The following WWP1 variants were observed in gnomAD, a reference collection of about 807,000 sequenced individuals.
WWP1 encodes NEDD4-like E3 ubiquitin-protein ligase WWP1.
Under a neutral mutation model 130.6 loss-of-function variants are expected in WWP1, and 49 were observed. The ratio of observed to expected loss-of-function variants is 0.38; its 90% CI spans 0.30 to 0.48. The LOEUF (loss-of-function observed/expected upper bound fraction) is 0.48, where lower values mean the gene tolerates loss of function less well. Ranked by LOEUF, WWP1 falls within the 20% of genes least tolerant of loss-of-function variation. The probability of loss-of-function intolerance (pLI) is 0.99; values close to 1 mark genes in which losing one functional copy is unlikely to be tolerated. For missense variants in WWP1, 809 were observed against 1,100.6 expected (o/e 0.74, Z 3.75); for synonymous variants, 332 against 367.8 (o/e 0.90, Z 1.11).
intron 1 of WWP1, among the ~76,000 whole-genome samples, chr8:86,361,889 CACTG>C (rs1823620355): frequency 1.3e-5 from 2 of 151,340 alleles, no homozygotes; most frequent in Admixed American, 6.6e-5. Context: ...ATTTTAAACT[CACTG>C]AGAGCAAAGA....
chr8:86,468,249 A>G lies in WWP1; in HGVS notation c.*1356A>G, dbSNP rs1164575171. The G allele has an allele frequency of 2.7e-6, 1 of 371,432 alleles. No homozygotes were observed. Among genetic ancestry groups the G allele is most frequent in the East Asian group, 7.5e-5 (1 of 13,400 alleles). 23.0% of individuals were successfully genotyped at this position (371,432 alleles called of 1,614,324 possible). A position where few individuals can be genotyped will look rare whatever the true frequency, so the allele number is the denominator to read the frequency against. On this transcript the variant is annotated 3_prime_UTR_variant, in exon 25 of 25. Coordinates refer to ENST00000517970, the MANE Select transcript of WWP1 (RefSeq NM_007013.4). The stretch of plus-strand genomic sequence containing the variant: ...CTATAAATATTTCACTGCTAAGTAC[A>G]TACAGAAAAACAGTAATTATTGTTT...
intron 17 of WWP1, among the ~76,000 whole-genome samples, chr8:86,439,435 TC>T (rs1476398366): frequency 6.6e-6 from 1 of 152,010 alleles, no homozygotes; most frequent in Admixed American, 6.6e-5. Flanking sequence ...CTCAAGAGAT[TC>T]CCCCAACCTT....
intron 8 of WWP1, 22 bp downstream of exon 8, chr8:86,402,225 A>C (rs1164148079): frequency 1.9e-5 from 31 of 1,605,666 alleles, no homozygotes; most frequent in Non-Finnish European, 2.5e-5. Flanking sequence ...TATTTATGAC[A>C]CCTTGTTTAA....
At chr8:86,396,879 G>C (rs376462170) in intron 5 of WWP1, among the ~76,000 whole-genome samples, 3 of 152,234 alleles carry the variant, frequency 2.0e-5, no homozygotes, top group Admixed American at 6.5e-5. Context: ...GATTAGAGGC[G>C]TGAGCCACCG....
intron 5 of WWP1, among the ~76,000 whole-genome samples, chr8:86,392,066 G>A (rs1270432801): frequency 6.6e-6 from 1 of 152,194 alleles, no homozygotes; most frequent in Admixed American, 6.5e-5. Context: ...TTTAAGGGGA[G>A]TTAGGGTTAT....
chr8:86,420,324 G>A (rs534952357), intron 9 of WWP1, among the ~76,000 whole-genome samples: 1 of 152,260 alleles, frequency 6.6e-6, no homozygotes, highest in South Asian at 2.1e-4. Flanking sequence ...GGGGTTTAAC[G>A]ATAAGAATGT....
chr8:86,447,088 A>G (rs1439243060), intron 18 of WWP1, among the ~76,000 whole-genome samples: 4 of 152,306 alleles, frequency 2.6e-5, no homozygotes, highest in African/African-American at 7.2e-5. Context: ...TGTGATTACC[A>G]GGAAACAGAC....
intron 7 of WWP1, 57 bp from the exon 8 acceptor site, chr8:86,401,962 C>T: frequency 2.2e-6 from 3 of 1,380,372 alleles, no homozygotes; most frequent in Non-Finnish European, 2.9e-6. Flanking sequence ...TGAAAATTCT[C>T]ATGAAATGTT....
At chr8:86,368,481 A>G (rs2130268445) in intron 1 of WWP1, among the ~76,000 whole-genome samples, 2 of 152,094 alleles carry the variant, frequency 1.3e-5, no homozygotes, top group East Asian at 3.9e-4. Flanking sequence ...TTTTTCTTTC[A>G]TGGTGCCAAT....
intron 14 of WWP1, among the ~76,000 whole-genome samples, chr8:86,432,319 G>T (rs1344295868): frequency 6.6e-6 from 1 of 152,100 alleles, no homozygotes; most frequent in East Asian, 1.9e-4. Context: ...TTGCAAAGTT[G>T]TACCACCATA....
intron 8 of WWP1, among the ~76,000 whole-genome samples, chr8:86,404,395 AT>A (rs1808160524): frequency 6.6e-6 from 1 of 152,238 alleles, no homozygotes; most frequent in African/African-American, 2.4e-5. Flanking sequence ...AGATGTTGAT[AT>A]AAAAAGGAGA....
At chr8:86,389,408 A>AC (rs1308981290) in intron 5 of WWP1, among the ~76,000 whole-genome samples, 13 of 152,108 alleles carry the variant, frequency 8.5e-5, no homozygotes, top group African/African-American at 2.2e-4. Flanking sequence ...CACATCTTGC[A>AC]CCCCCCTTAA....
intron 3 of WWP1, among the ~76,000 whole-genome samples, chr8:86,378,145 A>T (rs372889362): frequency 5.9e-5 from 9 of 152,228 alleles, no homozygotes; most frequent in East Asian, 5.8e-4. Context: ...ATACACGTTT[A>T]CTGTTCTTGA....
intron 3 of WWP1, among the ~76,000 whole-genome samples, chr8:86,376,663 A>G (rs1474179954): frequency 4.6e-5 from 7 of 152,222 alleles, no homozygotes; most frequent in African/African-American, 1.7e-4. Context: ...CAGGTGACTC[A>G]AATCTGGAGA....
At chr8:86,416,016 A>G (rs956381133) in intron 9 of WWP1, among the ~76,000 whole-genome samples, 3 of 152,234 alleles carry the variant, frequency 2.0e-5, no homozygotes, top group Non-Finnish European at 2.9e-5. Flanking sequence ...TCTGGCTGGT[A>G]AATGCCTCTG....
chr8:86,356,696 G>A (rs11781993), intron 1 of WWP1, among the ~76,000 whole-genome samples: 22,052 of 152,112 alleles, frequency 0.14, 1,769 homozygotes, highest in Non-Finnish European at 0.19. Flanking sequence ...TTGCTGCTAA[G>A]TTTGATGAAT....
chr8:86,351,645 A>T (rs1005382425), intron 1 of WWP1, among the ~76,000 whole-genome samples: 4 of 152,100 alleles, frequency 2.6e-5, no homozygotes, highest in Admixed American at 2.6e-4. Context: ...AACAAAAAAA[A>T]AGTTGCTAAA....
At chr8:86,403,015 G>A (rs1300331282) in intron 8 of WWP1, among the ~76,000 whole-genome samples, 1 of 152,200 alleles carries the variant, frequency 6.6e-6, no homozygotes, top group Non-Finnish European at 1.5e-5. Flanking sequence ...TAAGGAAGAT[G>A]TCCTCTATAA....
intron 21 of WWP1, among the ~76,000 whole-genome samples, chr8:86,456,256 A>G (rs1022304884): frequency 1.3e-5 from 2 of 151,984 alleles, no homozygotes; most frequent in African/African-American, 2.4e-5. Context: ...AAAGAAAAAT[A>G]TGGATACATT....
Sources: gnomAD v4.1 joint callset for allele counts (sites outside exome capture counted in the v4.1 genomes callset) on GRCh38, gnomAD v4.1.1 for gene constraint, MANE v1.5 for transcripts, NCBI Gene and HGNC (gene_info 2026-07-23, HGNC 2026-07-21) for gene names.